Variants in ANKRD53 observed in about 807,000 individuals in gnomAD.
ANKRD53 encodes ankyrin repeat domain-containing protein 53.
A neutral mutation model predicts 30.1 loss-of-function variants in ANKRD53; 27 were observed. The observed-to-expected ratio is 0.90, with a 90% CI of 0.66 to 1.24. ANKRD53 has a LOEUF of 1.24. ANKRD53 is among the 50% of genes most tolerant of loss of function. ANKRD53 has a pLI of 0.00. For missense variants in ANKRD53, 682 were observed against 721.0 expected, an observed-to-expected ratio of 0.95 and a Z score of 0.62; for synonymous variants, 286 against 295.4, an observed-to-expected ratio of 0.97 and a Z score of 0.33.
chr2:70,984,999 A>G lies in ANKRD53; in HGVS notation c.1292A>G (p.His431Arg). ...TTCCTGGAGGTGAGGCCTGATGGGC[A>G]CGGCGGTGCGCGGCTGCACACAGTG... ...SSFLEVRPDG[H>R]GGARLHTVDG... Residue 431 changes from histidine to arginine, a missense_variant, in exon 6 of 6, where the codon CAC (histidine) becomes CGC (arginine). His to Arg is a conservative substitution (Grantham distance 29, BLOSUM62 0). Transcript: ENST00000360589. 1 of 1,549,212 alleles carries G rather than the reference A, an allele frequency of 6.5e-7. No individual in the cohort carries two copies. The highest frequency in any genetic ancestry group is 8.7e-7 in the Non-Finnish European group (1 of 1,146,484).
intron 3 of ANKRD53, 123 bp downstream of exon 3, chr2:70,979,983 C>T: frequency 8.8e-7 from 1 of 1,134,870 alleles, no homozygotes; most frequent in Non-Finnish European, 1.3e-6. Flanking sequence ...GGATTGGGTC[C>T]CACATAAAGC....
At chr2:70,979,038 C>T (rs1669915399) in intron 1 of ANKRD53, 59 bp from the exon 2 acceptor site, 4 of 1,497,996 alleles carry the variant, frequency 2.7e-6, no homozygotes, top group African/African-American at 1.4e-5. Flanking sequence ...CAGGGATCGC[C>T]TCCCGAGAGG....
chr2:70,979,036 G>A, intron 1 of ANKRD53, 61 bp from the exon 2 acceptor site: 3 of 1,482,346 alleles, frequency 2.0e-6, no homozygotes, highest in African/African-American at 1.4e-5. Flanking sequence ...GCCAGGGATC[G>A]CCTCCCGAGA....
In ANKRD53 at chr2:70,979,193, C is replaced by A. The variant is rs782714268; in HGVS notation, c.267C>A (p.Asp89Glu). The change falls in exon 2 of 6, where the codon GAC becomes GAA. Residue 89 changes from aspartate (D) to glutamate (E), a missense_variant. Transcript: ENST00000360589. ...CCTCGCTCACCCCGCCCCGCGCTGA[C>A]CCCAGCCCCAGCAAGGAGTCCGACC... ...RPASLTPPRA[D>E]PSPSKESDQT... 6.2e-7 allele frequency: 1 copy of A among 1,612,986 alleles called. No individual in the cohort carries two copies.
chr2:70,979,234 A>G lies in ANKRD53; in HGVS notation c.308A>G (p.Gln103Arg). The G allele has an allele frequency of 6.2e-7, 1 of 1,613,520 alleles. No homozygotes were observed. The highest frequency in any genetic ancestry group is 8.5e-7 in the Non-Finnish European group (1 of 1,180,022). ...GAGTCCGACCAGACGGCAATCGACC[A>G]GACGGCGATCGGGAGCTACTACCAG... ...SKESDQTAIDQTAIGSYYQLF... is the reference protein window; with the variant it reads ...SKESDQTAIDRTAIGSYYQLF... The change falls in exon 2 of 6, where the codon CAG becomes CGG. Residue 103 changes from glutamine to arginine, a missense_variant. Coordinates refer to ENST00000360589, the MANE Select transcript of ANKRD53 (RefSeq NM_001115116.2).
In ANKRD53 at chr2:70,982,014, G is replaced by C. The variant is rs1558688482; in HGVS notation, c.696G>C (p.Gln232His). Reference protein sequence around the residue: ...GLLDCVKVLVQSGANVHAQDA... With the variant: ...GLLDCVKVLVHSGANVHAQDA... ...TGGACTGTGTGAAGGTCCTGGTGCA[G>C]AGTGGCGCCAACGTCCATGCCCAAG... The change falls in exon 4 of 6, where the codon CAG (glutamine) becomes CAC (histidine). Residue 232 changes from glutamine (Q) to histidine (H), a missense_variant. By Grantham distance (24) the Gln-to-His change is conservative (BLOSUM62 0). Transcript: ENST00000360589. The surrounding 1 kb of genome is among the most constrained non-coding windows in gnomAD (Gnocchi z 4.2). 1 of 1,613,798 alleles carries C rather than the reference G, an allele frequency of 6.2e-7. No individual in the cohort carries two copies.
chr2:70,980,315 CAACAAAAAAAA>C (rs1669969783), intron 3 of ANKRD53, among the ~76,000 whole-genome samples: 2 of 74,408 alleles, frequency 2.7e-5, no homozygotes, highest in Admixed American at 2.3e-4. Context: ...GACTCCGTCT[CAACAAAAAAAA>C]AAAAAAAAAA....
Position 70,979,317 on chromosome 2 carries a change from C to T in ANKRD53, c.391C>T (p.Leu131Phe). The T allele has an allele frequency of 6.2e-7, 1 of 1,613,638 alleles. No individual in the cohort carries two copies. The highest frequency in any genetic ancestry group is 8.5e-7 in the Non-Finnish European group (1 of 1,180,046). The change falls in exon 2 of 6, where the codon CTC becomes TTC. Residue 131 changes from leucine (L) to phenylalanine (F), a missense_variant. By Grantham distance (22) the Leu-to-Phe change is conservative (BLOSUM62 0). Coordinates refer to ENST00000360589, the MANE Select transcript of ANKRD53 (RefSeq NM_001115116.2). The part of the protein sequence containing the change: ...EWLRFCLNQS[L>F]REIPTDDKGF... ...GCTGCGATTCTGTCTGAACCAGAGC[C>T]TCAGGGAAATCCCCACCGACGACAA...
intron 5 of ANKRD53, among the ~76,000 whole-genome samples, chr2:70,983,840 T>A (rs1670085654): frequency 6.6e-6 from 1 of 152,214 alleles, no homozygotes; most frequent in South Asian, 2.1e-4. Context: ...ATTATGATGA[T>A]TGGCTTAGCC....
At position 70,981,957 on chromosome 2, in the gene ANKRD53, G is replaced by T. The variant is rs782094274; in HGVS notation, c.639G>T (p.Thr213=). 3 of 1,595,950 alleles carry T rather than the reference G, an allele frequency of 1.9e-6. No homozygotes were observed. The East Asian group carries it at 6.8e-5, about 36-fold the overall frequency. Residue 213 remains threonine (T), a synonymous_variant, in exon 4 of 6, where the codon ACG becomes ACT. Transcript: ENST00000360589. ...ACAGTCAGACATGCAACGGCTCCAC[G>T]CCCCTGCACCTGGCAGCCCGTGACG... ...DLNAQTCNGS[T]PLHLAARDGL... is the part of the protein sequence containing the mutation.
chr2:70,980,932 C>T (rs907163822), intron 3 of ANKRD53, among the ~76,000 whole-genome samples: 5 of 151,812 alleles, frequency 3.3e-5, no homozygotes, highest in African/African-American at 1.2e-4. Flanking sequence ...GGCGACAGAG[C>T]GAGACTCCGT....
chr2:70,981,811 C>G, intron 3 of ANKRD53, 125 bp from the exon 4 acceptor site: 1 of 1,066,364 alleles, frequency 9.4e-7, no homozygotes, highest in African/African-American at 1.6e-5. Flanking sequence ...ACAGACATAG[C>G]TAGGATCACC....
intron 3 of ANKRD53, among the ~76,000 whole-genome samples, chr2:70,981,334 G>T (rs997644563): frequency 4.3e-4 from 65 of 152,248 alleles, no homozygotes; most frequent in African/African-American, 1.5e-3. Flanking sequence ...CAGAGCATGG[G>T]AAGTGGTTAT....
At position 70,985,000 on chromosome 2, in the gene ANKRD53, C is replaced by T. The variant is rs61732224; in HGVS notation, c.1293C>T (p.His431=). ...TCCTGGAGGTGAGGCCTGATGGGCA[C>T]GGCGGTGCGCGGCTGCACACAGTGG... The part of the protein sequence containing the change: ...SSFLEVRPDG[H]GGARLHTVDG... The change falls in exon 6 of 6, where the codon CAC becomes CAT. Residue 431 remains histidine, a synonymous_variant. Transcript: ENST00000360589. 0.066 allele frequency: 101,911 copies of T among 1,548,846 alleles called. 5,140 individuals carry two copies. Among genetic ancestry groups the T allele is most frequent in the Admixed American group, 0.24 (12,440 of 50,898 alleles).
rs997953596 is a variant in ANKRD53, at chr2:70,980,278, G to T, written c.617+418G>T. Among the ~76,000 whole-genome samples, 7 of 145,922 alleles carry T rather than the reference G, an allele frequency of 4.8e-5. No individual in the cohort carries two copies. The Admixed American group carries it at 4.9e-4, about 10-fold the overall frequency. ...TGCGGTGAGCTGAGATGGTGCCATT[G>T]CACTTCAGCCCGGGCAACAAGAGCG... On this transcript the variant is annotated intron_variant, in intron 3 of 5. Coordinates refer to ENST00000360589, the MANE Select transcript of ANKRD53 (RefSeq NM_001115116.2).
Position 70,978,692 on chromosome 2 carries a change from G to GGC in ANKRD53, c.48_49dup (p.His17ArgfsTer29). On this transcript the variant is annotated frameshift_variant, in exon 1 of 6. Transcript: ENST00000360589. LOFTEE classifies it high-confidence loss of function. This position sits in a 1 kb window ranked among gnomAD's most constrained non-coding sequence, Gnocchi z 4.3. ...GCTCGGCGGGCGGGCTCCGGAAGCT[G>GGC]GCACTCAGAAAGGGGAGAAGGGAGA... The GGC allele has an allele frequency of 6.5e-7, 1 of 1,545,172 alleles. No homozygotes were observed. The highest frequency in any genetic ancestry group is 1.4e-5 in the African/African-American group (1 of 72,218).
At chr2:70,981,748 C>T (rs1215271599) in intron 3 of ANKRD53, among the ~76,000 whole-genome samples, 188 bp from the exon 4 acceptor site, 2 of 152,194 alleles carry the variant, frequency 1.3e-5, no homozygotes, top group Non-Finnish European at 2.9e-5. Context: ...TTTTACTGTT[C>T]ACTTAGTCCA....
rs782594728 is a variant in ANKRD53, at chr2:70,982,687, T to C, written c.893T>C (p.Ile298Thr). The change falls in exon 5 of 6, where the codon ATT (isoleucine) becomes ACT (threonine). Residue 298 changes from isoleucine to threonine, a missense_variant. By Grantham distance (89) the Ile-to-Thr change is moderately conservative. Coordinates refer to ENST00000360589, the MANE Select transcript of ANKRD53 (RefSeq NM_001115116.2). The surrounding 1 kb of genome is among the most constrained non-coding windows in gnomAD (Gnocchi z 4.2). Reference sequence around the variant, plus strand: ...ACCCTCATGGAGCACAACTACCTGATTGAGTATCAAGTAAGGGGGACAGCA... The same window carrying C: ...ACCCTCATGGAGCACAACTACCTGACTGAGTATCAAGTAAGGGGGACAGCA... Reference protein sequence around the residue: ...QLTLMEHNYLIEYQKEHKILR... With the variant: ...QLTLMEHNYLTEYQKEHKILR... 49 of 1,613,804 alleles carry C rather than the reference T, an allele frequency of 3.0e-5. 1 individual carries two copies. Among genetic ancestry groups the C allele is most frequent in the South Asian group, 9.9e-5 (9 of 91,076 alleles).
Position 70,979,248 on chromosome 2 carries a change from AGCT to A in ANKRD53, c.323_325del (p.Ser108_Tyr109delinsAsn), listed in dbSNP as rs782387866. 5 of 1,613,448 alleles carry A rather than the reference AGCT, an allele frequency of 3.1e-6. No individual in the cohort carries two copies. The South Asian group carries it at 5.5e-5, about 18-fold the overall frequency. ...GGCAATCGACCAGACGGCGATCGGG[AGCT>A]ACTACCAGCTGTTCGCAGCGGCTGT... On this transcript the variant is annotated inframe_deletion, in exon 2 of 6. Transcript: ENST00000360589.
Sources: gnomAD v4.1 joint callset for allele counts (sites outside exome capture counted in the v4.1 genomes callset) on GRCh38, gnomAD v4.1.1 for gene constraint, Gnocchi (gnomAD v3.1) non-coding constraint, MANE v1.5 for transcripts, NCBI Gene and HGNC (gene_info 2026-07-23, HGNC 2026-07-21) for gene names.